GCNT1: variants seen among roughly 807,000 people sequenced by gnomAD.
GCNT1 encodes glucosaminyl (N-acetyl) transferase 1, also known as beta-1,3-galactosyl-O-glycosyl-glycoprotein beta-1,6-N-acetylglucosaminyltransferase.
GCNT1 carries 16 observed loss-of-function variants against 26.2 expected under a neutral mutation model. The observed-to-expected ratio is 0.61, with a 90% CI of 0.41 to 0.93. The LOEUF (loss-of-function observed/expected upper bound fraction) is 0.93, where lower values mean the gene tolerates loss of function less well. Ranked by LOEUF, GCNT1 falls within the 40% of genes least tolerant of loss-of-function variation. The pLI, the probability that GCNT1 is intolerant of heterozygous loss-of-function variation, is 0.00. For missense variants in GCNT1, 477 were observed against 526.7 expected, an observed-to-expected ratio of 0.91 and a Z score of 0.92; for synonymous variants, 183 against 190.8, an observed-to-expected ratio of 0.96 and a Z score of 0.34.
In GCNT1 at chr9:76,443,894, A is replaced by G. The variant is rs943273903; in HGVS notation, c.-290+1579A>G. Among the ~76,000 whole-genome samples the G allele has an allele frequency of 1.3e-3, 169 of 127,366 alleles. 1 individual carries two copies. The highest frequency in any genetic ancestry group is 3.0e-3 in the East Asian group (13 of 4,290). The allele number at this position is 127,366 out of a possible 152,430, so 83.6% of individuals were successfully genotyped here. A position where few individuals can be genotyped will look rare whatever the true frequency, so the allele number is the denominator to read the frequency against. On this transcript the variant is annotated intron_variant, in intron 1 of 2. Transcript: ENST00000442371. ...AAAAAAAGGAAAGAAAGAAAGAAAG[A>G]AAGAAAGGAAGAAAGGAAGAAAGGA...
Position 76,506,849 on chromosome 9 carries a change from C to T in GCNT1, c.*3181C>T, listed in dbSNP as rs1040796998. 6.0e-5 allele frequency: 10 copies of T among 166,876 alleles called. No homozygotes were observed. The highest frequency in any genetic ancestry group is 8.8e-5 in the Non-Finnish European group (6 of 68,064). 10.3% of individuals were successfully genotyped at this position (166,876 alleles called of 1,614,324 possible). ...GGTAGGAAGAGGCCATGTTTCAGTT[C>T]GTTTTCTCTGTAGGGTCGATTGAAT... On this transcript the variant is annotated 3_prime_UTR_variant, in exon 4 of 4. Coordinates refer to ENST00000376730, the MANE Select transcript of GCNT1 (RefSeq NM_001490.5).
intron 1 of GCNT1, among the ~76,000 whole-genome samples, chr9:76,424,664 C>T (rs71509875): frequency 0.031 from 4,664 of 152,250 alleles, 95 homozygotes; most frequent in Non-Finnish European, 0.048. Context: ...TAATATAAAA[C>T]TGGATGATAG....
intron 1 of GCNT1, among the ~76,000 whole-genome samples, chr9:76,453,359 A>G (rs1027051644): frequency 1.3e-5 from 2 of 152,228 alleles, no homozygotes; most frequent in Non-Finnish European, 2.9e-5. Flanking sequence ...AAAGTGGTAA[A>G]AAGGAGGGAT....
intron 1 of GCNT1, among the ~76,000 whole-genome samples, chr9:76,459,512 G>T (rs2131592712): frequency 6.6e-6 from 1 of 152,312 alleles, no homozygotes; most frequent in Non-Finnish European, 1.5e-5. Context: ...TTTTCCGTCC[G>T]CTCAGTGGGG....
chr9:76,506,006 A>G lies in GCNT1; in HGVS notation c.*2338A>G, dbSNP rs1261705340. 3 of 167,064 alleles carry G rather than the reference A, an allele frequency of 1.8e-5. No homozygotes were observed. The highest frequency in any genetic ancestry group is 4.4e-5 in the Non-Finnish European group (3 of 68,124). The allele number at this position is 167,064 out of a possible 1,614,324, so 10.3% of individuals were successfully genotyped here. On this transcript the variant is annotated 3_prime_UTR_variant, in exon 4 of 4. Transcript: ENST00000376730. ...ATCCCTAATGCCTGCGGCAGAATTT[A>G]TATACGATCCATTCATTGGGGCTCA... is the stretch of plus-strand genomic sequence containing the variant.
Position 76,502,362 on chromosome 9 carries a change from A to G in GCNT1, c.-20A>G. On this transcript the variant is annotated 5_prime_UTR_variant, in exon 4 of 4. Coordinates refer to ENST00000376730, the MANE Select transcript of GCNT1 (RefSeq NM_001490.5). ...TAGAAGACTGCCCTTCACAAAGGAA[A>G]TCCCTGATTATTGTTTGAAATGCTG... The G allele has an allele frequency of 6.3e-7, 1 of 1,575,378 alleles. No individual in the cohort carries two copies. The highest frequency in any genetic ancestry group is 8.7e-7 in the Non-Finnish European group (1 of 1,148,996).
intron 1 of GCNT1, among the ~76,000 whole-genome samples, chr9:76,435,036 A>T (rs1003901208): frequency 6.6e-6 from 1 of 152,236 alleles, no homozygotes; most frequent in Non-Finnish European, 1.5e-5. Flanking sequence ...ACAGCTGAAC[A>T]TAGACCGTCA....
the GCNT1 span, among the ~76,000 whole-genome samples, chr9:76,405,491 C>T: frequency 1.3e-5 from 2 of 152,216 alleles, no homozygotes; most frequent in Non-Finnish European, 2.9e-5. Context: ...CCACCATTAT[C>T]GTATCATACA....
intron 1 of GCNT1, among the ~76,000 whole-genome samples, chr9:76,431,230 A>G (rs1375070425): frequency 4.6e-5 from 7 of 152,256 alleles, no homozygotes; most frequent in Admixed American, 4.6e-4. Flanking sequence ...CACTAACCAC[A>G]TGGAGTTAGC....
chr9:76,490,020 A>G (rs1040141456), intron 2 of GCNT1, among the ~76,000 whole-genome samples: 1 of 152,224 alleles, frequency 6.6e-6, no homozygotes, highest in African/African-American at 2.4e-5. Flanking sequence ...TTAAAAATAC[A>G]GGGCCCGAAG....
chr9:76,465,606 A>C (rs1441694266), intron 2 of GCNT1, among the ~76,000 whole-genome samples: 1 of 152,224 alleles, frequency 6.6e-6, no homozygotes, highest in African/African-American at 2.4e-5. Flanking sequence ...CAGCCCCCTG[A>C]GCCAGACTTG....
At chr9:76,476,686 C>G (rs1824260029) in intron 2 of GCNT1, among the ~76,000 whole-genome samples, 1 of 152,170 alleles carries the variant, frequency 6.6e-6, no homozygotes, top group Non-Finnish European at 1.5e-5. Context: ...CTGTGTTTCG[C>G]TGTTACTTAT....
intron 2 of GCNT1, among the ~76,000 whole-genome samples, chr9:76,465,290 A>G (rs1221882986): frequency 6.6e-6 from 1 of 151,664 alleles, no homozygotes; most frequent in Non-Finnish European, 1.5e-5. Context: ...CACCCAGATA[A>G]TTTTTGTATT....
chr9:76,498,799 G>T (rs1824981220), intron 2 of GCNT1, among the ~76,000 whole-genome samples: 1 of 148,662 alleles, frequency 6.7e-6, no homozygotes, highest in Non-Finnish European at 1.5e-5. Flanking sequence ...AAGAAAAAAA[G>T]TGTATACACA....
chr9:76,420,501 C>T (rs979696142), intron 1 of GCNT1: 5 of 152,194 alleles, frequency 3.3e-5, no homozygotes, highest in African/African-American at 1.2e-4. Context: ...CCTTGAACTC[C>T]TGGGCTCAAG....
At chr9:76,439,251 G>A (rs1823450022), upstream of GCNT1, among the ~76,000 whole-genome samples, 1 of 123,108 alleles carries the variant, frequency 8.1e-6, no homozygotes, top group Admixed American at 9.9e-5. Context: ...TTTTGAGACA[G>A]TCTCACTCTG....
At chr9:76,463,186 C>A (rs1823912350) in intron 2 of GCNT1, among the ~76,000 whole-genome samples, 1 of 152,152 alleles carries the variant, frequency 6.6e-6, no homozygotes, top group Non-Finnish European at 1.5e-5. Flanking sequence ...GCCTCCTTAG[C>A]TGGGGATTAG....
chr9:76,467,091 G>A (rs1824013937), intron 2 of GCNT1, among the ~76,000 whole-genome samples: 1 of 151,666 alleles, frequency 6.6e-6, no homozygotes. Flanking sequence ...TGCCCAGGCT[G>A]GAGTGCAGTG....
chr9:76,422,680 G>C (rs1023445052), intron 1 of GCNT1, among the ~76,000 whole-genome samples: 1 of 152,124 alleles, frequency 6.6e-6, no homozygotes, highest in Non-Finnish European at 1.5e-5. Context: ...AGCCTCCAGA[G>C]TAGCTGGAAC....
Sources: gnomAD v4.1 joint callset for allele counts (sites outside exome capture counted in the v4.1 genomes callset) on GRCh38, gnomAD v4.1.1 for gene constraint, MANE v1.5 for transcripts, NCBI Gene and HGNC (gene_info 2026-07-23, HGNC 2026-07-21) for gene names.